The following HOOK3 variants were observed in gnomAD, a reference collection of about 807,000 sequenced individuals.
The protein encoded by HOOK3 is hook microtubule tethering protein 3.
Under a neutral mutation model 116.3 loss-of-function variants are expected in HOOK3, and 24 were observed. The observed-to-expected ratio is 0.21, with a 90% CI of 0.15 to 0.29. The LOEUF is 0.29. Ranked by LOEUF, HOOK3 falls within the 10% of genes least tolerant of loss-of-function variation. The probability of loss-of-function intolerance (pLI) is 1.00; values close to 1 mark genes in which losing one functional copy is unlikely to be tolerated. For missense variants in HOOK3, 632 were observed against 830.2 expected, an observed-to-expected ratio of 0.76 and a Z score of 2.93; for synonymous variants, 275 against 283.0, an observed-to-expected ratio of 0.97 and a Z score of 0.28.
At chr8:42,919,233 GCTT>G (rs1341096582) in intron 2 of HOOK3, among the ~76,000 whole-genome samples, 3 of 150,820 alleles carry the variant, frequency 2.0e-5, no homozygotes, top group South Asian at 2.1e-4. Context: ...AGACGGGGCG[GCTT>G]CCGGGCAGAG....
chr8:42,919,744 C>T (rs1250478593), intron 2 of HOOK3, among the ~76,000 whole-genome samples: 3 of 152,200 alleles, frequency 2.0e-5, no homozygotes, highest in African/African-American at 7.2e-5. Context: ...AGCTGGAGAC[C>T]AGCCCAGCCA....
chr8:42,995,244 C>T (rs1490165077), intron 15 of HOOK3, among the ~76,000 whole-genome samples: 1 of 151,464 alleles, frequency 6.6e-6, no homozygotes, highest in Non-Finnish European at 1.5e-5. Flanking sequence ...ATTCTAAACA[C>T]TCATTGTCTT....
Position 43,027,082 on chromosome 8 carries a change from G to A in HOOK3, c.*8584G>A, listed in dbSNP as rs1334120000. ...AATTTTTGTATTTTTAGTAAAGACA[G>A]GGTGTCGCCATATTGGCTAGGCTGG... On this transcript the variant is annotated 3_prime_UTR_variant, in exon 22 of 22. Coordinates refer to ENST00000307602, the MANE Select transcript of HOOK3 (RefSeq NM_032410.4). The A allele has an allele frequency of 1.1e-5, 2 of 179,616 alleles. No homozygotes were observed. The highest frequency in any genetic ancestry group is 6.2e-5 in the Admixed American group (1 of 16,084). 11.1% of individuals were successfully genotyped at this position (179,616 alleles called of 1,614,324 possible).
intron 1 of HOOK3, among the ~76,000 whole-genome samples, chr8:42,898,010 G>A (rs1807077048): frequency 6.6e-6 from 1 of 152,228 alleles, no homozygotes; most frequent in Admixed American, 6.5e-5. Context: ...TGCTGAGAAT[G>A]TTAATTAAAT....
chr8:43,017,621 T>G (rs1809748305), intron 21 of HOOK3, among the ~76,000 whole-genome samples: 1 of 152,184 alleles, frequency 6.6e-6, no homozygotes, highest in Non-Finnish European at 1.5e-5. Context: ...ACCAAAAAAC[T>G]GCTTTTTTCC....
At chr8:42,988,329 G>GCCC (rs1809087702) in intron 15 of HOOK3, among the ~76,000 whole-genome samples, 3 of 152,194 alleles carry the variant, frequency 2.0e-5, no homozygotes, top group Non-Finnish European at 4.4e-5. Context: ...CCTCTGGGCT[G>GCCC]TATTTTAGCC....
chr8:42,902,716 C>G (rs1460451250), intron 1 of HOOK3, among the ~76,000 whole-genome samples: 1 of 152,116 alleles, frequency 6.6e-6, no homozygotes, highest in Non-Finnish European at 1.5e-5. Flanking sequence ...CTATTTTTCC[C>G]CAATCTTTCT....
intron 7 of HOOK3, among the ~76,000 whole-genome samples, chr8:42,958,096 T>C (rs1808468736): frequency 6.6e-6 from 1 of 152,200 alleles, no homozygotes. Flanking sequence ...CTTCCCAAAG[T>C]GCTGGGGTTA....
At chr8:43,006,051 C>T (rs1204292827) in intron 17 of HOOK3, among the ~76,000 whole-genome samples, 39 of 147,822 alleles carry the variant, frequency 2.6e-4, no homozygotes, top group Admixed American at 1.2e-3. Context: ...GATGGAGTCT[C>T]GCTCTGTCGC....
chr8:42,964,519 C>A, intron 9 of HOOK3, 45 bp downstream of exon 9: 1 of 1,578,272 alleles, frequency 6.3e-7, no homozygotes, highest in Non-Finnish European at 8.7e-7. Flanking sequence ...AATTTGTTAG[C>A]TGTCATTTAA....
At chr8:42,998,789 CA>C (rs1486665331) in intron 16 of HOOK3, among the ~76,000 whole-genome samples, 1 of 152,112 alleles carries the variant, frequency 6.6e-6, no homozygotes, top group African/African-American at 2.4e-5. Context: ...AAACTGTCAC[CA>C]ACATTTAAAC....
rs532742040 is a variant in HOOK3, at chr8:42,941,442, C to T, written c.268-1871C>T. On this transcript the variant is annotated intron_variant, in intron 4 of 21. Transcript: ENST00000307602. Reference sequence around the variant, plus strand: ...CTGAGGCACGAGAATGGTGTGAACCCGGGAGGCAGAGGTTGCAGTGAGCCA... The same window carrying T: ...CTGAGGCACGAGAATGGTGTGAACCTGGGAGGCAGAGGTTGCAGTGAGCCA... 6.2e-4 allele frequency among the ~76,000 whole-genome samples: 89 copies of T among 143,770 alleles called. 1 individual carries two copies. Among genetic ancestry groups the T allele is most frequent in the South Asian group, 2.3e-4 (1 of 4,406 alleles). 94.3% of individuals were successfully genotyped at this position (143,770 alleles called of 152,430 possible).
intron 12 of HOOK3, 26 bp downstream of exon 12, chr8:42,973,425 G>A: frequency 6.7e-7 from 1 of 1,500,262 alleles, no homozygotes; most frequent in East Asian, 2.3e-5. Flanking sequence ...AGGCATTTTG[G>A]TTTTGAGCAC....
At chr8:42,938,580 C>G (rs959434631) in intron 4 of HOOK3, among the ~76,000 whole-genome samples, 1 of 152,074 alleles carries the variant, frequency 6.6e-6, no homozygotes, top group African/African-American at 2.4e-5. Flanking sequence ...TCTTGAAAGG[C>G]AGGCCTGGTG....
intron 15 of HOOK3, 96 bp from the exon 16 acceptor site, chr8:42,997,453 AT>A (rs2130467880): frequency 1.4e-6 from 1 of 697,934 alleles, no homozygotes; most frequent in Non-Finnish European, 2.5e-6. Flanking sequence ...ATGAGACTTG[AT>A]TTTGCTAATT....
At chr8:42,902,649 A>G (rs1807214607) in intron 1 of HOOK3, among the ~76,000 whole-genome samples, 1 of 152,148 alleles carries the variant, frequency 6.6e-6, no homozygotes, top group Non-Finnish European at 1.5e-5. Flanking sequence ...ACTTTGCAAA[A>G]TACCTCATGG....
At chr8:42,936,287 G>T in intron 4 of HOOK3, among the ~76,000 whole-genome samples, 1 of 152,180 alleles carries the variant, frequency 6.6e-6, no homozygotes, top group East Asian at 1.9e-4. Flanking sequence ...AGGAGATTTT[G>T]GGCTGAGATG....
At position 43,013,041 on chromosome 8, in the gene HOOK3, T is replaced by A. The variant is rs752716458; in HGVS notation, c.1840-10T>A. On this transcript the variant is annotated splice_polypyrimidine_tract_variant and intron_variant, in intron 19 of 21. Coordinates refer to ENST00000307602, the MANE Select transcript of HOOK3 (RefSeq NM_032410.4). ...GACTTTTTAAATTTTTCTTTTATTA[T>A]TTTTTGCAGGTCATCCGTACTTTAG... 3 of 1,555,664 alleles carry A rather than the reference T, an allele frequency of 1.9e-6. No homozygotes were observed. In the South Asian group the frequency reaches 3.6e-5, roughly 18 times the overall value.
At chr8:42,936,522 G>A (rs1081885) in intron 4 of HOOK3, among the ~76,000 whole-genome samples, 19,105 of 152,140 alleles carry the variant, frequency 0.13, 2,028 homozygotes, top group African/African-American at 0.26. Flanking sequence ...TATTGGCTGT[G>A]GGTTTGTCAT....
Sources: allele counts gnomAD v4.1 joint callset (sites outside exome capture counted in the v4.1 genomes callset), GRCh38; gene constraint gnomAD v4.1.1; transcripts MANE v1.5; gene names NCBI Gene and HGNC (gene_info 2026-07-23, HGNC 2026-07-21).